Variants in DAPK1 observed in about 807,000 individuals in gnomAD.
DAPK1 encodes death associated protein kinase 1.
Under a neutral mutation model 144.9 loss-of-function variants are expected in DAPK1, and 56 were observed. The observed-to-expected ratio is 0.39, with a 90% confidence interval of 0.31 to 0.48. The LOEUF (loss-of-function observed/expected upper bound fraction) is 0.48. Among genes scored for constraint, DAPK1 ranks in the 20% least tolerant of loss-of-function variants. The pLI is 0.95. For synonymous variants in DAPK1, 690 were observed against 749.0 expected (o/e 0.92, Z 1.29); for missense variants, 1,454 against 1,875.4 (o/e 0.78, Z 4.15).
At chr9:87,519,650 A>G (rs1490242261) in intron 2 of DAPK1, among the ~76,000 whole-genome samples, 1 of 152,042 alleles carries the variant, frequency 6.6e-6, no homozygotes, top group Non-Finnish European at 1.5e-5. Context: ...TATGTCTGGG[A>G]CACAGGGATG....
intron 13 of DAPK1, among the ~76,000 whole-genome samples, chr9:87,646,789 T>G (rs541478258): frequency 9.4e-4 from 143 of 152,330 alleles, no homozygotes; most frequent in African/African-American, 3.4e-3. Context: ...CAGCATTTCT[T>G]TGTACACTAC....
In DAPK1 at chr9:87,707,309, C is replaced by T. The variant is rs763698491; in HGVS notation, c.4238C>T (p.Ser1413Leu). The change falls in exon 26 of 26, where the codon TCG becomes TTG. Residue 1413 changes from serine to leucine, a missense_variant. Transcript: ENST00000408954. The surrounding 1 kb of genome is among the most constrained non-coding windows in gnomAD (Gnocchi z 4.0). ...LDGNGQEAYA[S>L]SCNSGTSYNS... Reference sequence around the variant, plus strand: ...GGCAATGGCCAGGAGGCCTATGCCTCGAGCTGCAACAGCGGCACCTCTTAC... The same window carrying T: ...GGCAATGGCCAGGAGGCCTATGCCTTGAGCTGCAACAGCGGCACCTCTTAC... 5.6e-6 allele frequency: 9 copies of T among 1,612,074 alleles called. No individual in the cohort carries two copies. The East Asian group carries it at 6.7e-5, about 12-fold the overall frequency.
rs1448125447 is a variant in DAPK1, at chr9:87,706,960, G to A, written c.3889G>A (p.Gly1297Ser). ...CHDVYSQASL[G>S]MDIHASDLNL... ...CGACGTCTACTCACAGGCCAGCCTC[G>A]GCATGGACATCCATGCATCAGACCT... The change falls in exon 26 of 26, where the codon GGC (glycine) becomes AGC (serine). Residue 1297 changes from glycine (G) to serine (S), a missense_variant. Gly to Ser is a moderately conservative substitution (Grantham distance 56). Transcript: ENST00000408954. This position sits in a 1 kb window ranked among gnomAD's most constrained non-coding sequence, Gnocchi z 9.0. 6.2e-7 allele frequency: 1 copy of A among 1,613,012 alleles called. No individual in the cohort carries two copies. The highest frequency in any genetic ancestry group is 8.5e-7 in the Non-Finnish European group (1 of 1,179,576).
At position 87,698,724 on chromosome 9, in the gene DAPK1, G is replaced by A; in HGVS notation, c.2680G>A (p.Val894Ile). Reference sequence around the variant, plus strand: ...GGCCACCCACGCTGACATCATGAATGTTCCTCGACCGGCTGGAGGCGAGTT... The same window carrying A: ...GGCCACCCACGCTGACATCATGAATATTCCTCGACCGGCTGGAGGCGAGTT... ...LVATHADIMN[V>I]PRPAGGEFGY... Residue 894 changes from valine (V) to isoleucine (I), a missense_variant, in exon 23 of 26, where the codon GTT becomes ATT. Coordinates refer to ENST00000408954, the MANE Select transcript of DAPK1 (RefSeq NM_004938.4). The A allele has an allele frequency of 6.2e-7, 1 of 1,600,582 alleles. No individual in the cohort carries two copies.
At chr9:87,596,617 C>A (rs1828328843) in intron 2 of DAPK1, among the ~76,000 whole-genome samples, 1 of 152,168 alleles carries the variant, frequency 6.6e-6, no homozygotes, top group African/African-American at 2.4e-5. Flanking sequence ...GAGCCTGGGA[C>A]AGGGCCTGCA....
intron 2 of DAPK1, among the ~76,000 whole-genome samples, chr9:87,529,200 C>T (rs898036545): frequency 3.9e-5 from 6 of 152,194 alleles, no homozygotes; most frequent in African/African-American, 1.4e-4. Context: ...GGCCCTCTTC[C>T]AAGTGTACTT....
chr9:87,507,213 C>T (rs1470614276), intron 2 of DAPK1, among the ~76,000 whole-genome samples: 1 of 152,084 alleles, frequency 6.6e-6, no homozygotes. Context: ...GAGAAGTGAT[C>T]ATGGGGCCTT....
intron 24 of DAPK1, among the ~76,000 whole-genome samples, chr9:87,701,524 ATTCT>A (rs1825451427): frequency 6.6e-6 from 1 of 152,226 alleles, no homozygotes; most frequent in Non-Finnish European, 1.5e-5. Context: ...GGGAAAAAGC[ATTCT>A]CAATGCTTTG....
chr9:87,688,134 C>T (rs1824931633), intron 21 of DAPK1, among the ~76,000 whole-genome samples: 1 of 136,288 alleles, frequency 7.3e-6, no homozygotes, highest in African/African-American at 2.6e-5. Flanking sequence ...TTGTTGCCAT[C>T]TTTACATCCA....
chr9:87,540,131 A>G (rs921295461), intron 2 of DAPK1, among the ~76,000 whole-genome samples: 2 of 150,596 alleles, frequency 1.3e-5, no homozygotes, highest in Non-Finnish European at 3.0e-5. Context: ...GACTTTTATT[A>G]CAGTATATTG....
chr9:87,627,967 GAAACTGTGCCTCT>G (rs1829545100), intron 3 of DAPK1, among the ~76,000 whole-genome samples: 2 of 152,188 alleles, frequency 1.3e-5, no homozygotes, highest in Admixed American at 6.5e-5. Context: ...TCTGGACATG[GAAACTGTGCCTCT>G]GAAAGTAACT....
chr9:87,650,721 G>A (rs1412103692), intron 16 of DAPK1, among the ~76,000 whole-genome samples: 6 of 152,118 alleles, frequency 3.9e-5, no homozygotes, highest in South Asian at 4.1e-4. Context: ...GTTCTGGGTC[G>A]GGGGCGACTT....
intron 2 of DAPK1, among the ~76,000 whole-genome samples, chr9:87,575,566 C>G (rs1366860899): frequency 6.6e-6 from 1 of 152,118 alleles, no homozygotes; most frequent in Non-Finnish European, 1.5e-5. Context: ...TGTCACTGTA[C>G]CTCCATGGAG....
At chr9:87,635,278 G>T (rs1469561395) in intron 3 of DAPK1, among the ~76,000 whole-genome samples, 1 of 152,138 alleles carries the variant, frequency 6.6e-6, no homozygotes, top group African/African-American at 2.4e-5. Flanking sequence ...AGGGCCAGCA[G>T]ACTGCGCCAG....
At chr9:87,544,759 CA>C (rs775154211) in intron 2 of DAPK1, among the ~76,000 whole-genome samples, 8 of 152,138 alleles carry the variant, frequency 5.3e-5, no homozygotes, top group Non-Finnish European at 1.0e-4. Context: ...GGAAAACGAT[CA>C]TTTTAAAAGG....
chr9:87,635,555 C>A (rs1475120525), intron 3 of DAPK1, among the ~76,000 whole-genome samples: 1 of 152,144 alleles, frequency 6.6e-6, no homozygotes, highest in Middle Eastern at 3.4e-3. Context: ...GGAGGAGGAG[C>A]GGGCAGGAAG....
chr9:87,681,476 C>T lies in DAPK1; in HGVS notation c.2074C>T (p.Leu692=), dbSNP rs1009484212. ...QNLQPRIKLK[L]FGHSGSGKTT... ...CCTGCAGCCAAGAATTAAGCTCAAG[C>T]TGTTTGGCCACTCGGGATCCGGGAA... The change falls in exon 20 of 26, where the codon CTG becomes TTG. Residue 692 remains leucine (L), a synonymous_variant. Transcript: ENST00000408954. 3 of 1,613,520 alleles carry T rather than the reference C, an allele frequency of 1.9e-6. No homozygotes were observed. Among genetic ancestry groups the T allele is most frequent in the Non-Finnish European group, 1.7e-6 (2 of 1,179,452 alleles).
intron 12 of DAPK1, among the ~76,000 whole-genome samples, chr9:87,646,254 C>T (rs956342720): frequency 6.6e-6 from 1 of 152,146 alleles, no homozygotes; most frequent in African/African-American, 2.4e-5. Flanking sequence ...TCTTCTCATC[C>T]TGCTAATGAA....
In DAPK1 at chr9:87,663,911, G is replaced by A. The variant is rs890207233; in HGVS notation, c.1924-4686G>A. ...CTCTCTCCTCACCTATTTGCATCTA[G>A]CCGGCAGCCTACTAAGTCTCCTCCC... On this transcript the variant is annotated intron_variant, in intron 18 of 25. Coordinates refer to ENST00000408954, the MANE Select transcript of DAPK1 (RefSeq NM_004938.4). Among the ~76,000 whole-genome samples the A allele has an allele frequency of 1.6e-4, 24 of 151,890 alleles. 1 individual carries two copies. The highest frequency in any genetic ancestry group is 6.6e-5 in the Admixed American group (1 of 15,236).
Sources: allele counts gnomAD v4.1 joint callset (sites outside exome capture counted in the v4.1 genomes callset), GRCh38; gene constraint gnomAD v4.1.1; non-coding constraint Gnocchi (gnomAD v3.1); transcripts MANE v1.5; gene names NCBI Gene and HGNC (gene_info 2026-07-23, HGNC 2026-07-21).